EYA4: variants seen among roughly 807,000 people sequenced by gnomAD.
The protein encoded by EYA4 is protein phosphatase EYA4.
A neutral mutation model predicts 87.9 loss-of-function variants in EYA4; 31 were observed. The ratio of observed to expected loss-of-function variants is 0.35; its 90% CI spans 0.27 to 0.48. The LOEUF is 0.48. Ranked by LOEUF, EYA4 falls within the 20% of genes least tolerant of loss-of-function variation. The probability of loss-of-function intolerance (pLI) is 0.99; values close to 1 mark genes in which losing one functional copy is unlikely to be tolerated. For missense variants in EYA4, 678 were observed against 761.4 expected, an observed-to-expected ratio of 0.89 and a Z score of 1.29; for synonymous variants, 263 against 270.6, an observed-to-expected ratio of 0.97 and a Z score of 0.28.
chr6:133,372,079 T>G (rs1785308840), intron 2 of EYA4, among the ~76,000 whole-genome samples: 1 of 152,126 alleles, frequency 6.6e-6, no homozygotes, highest in East Asian at 1.9e-4. Flanking sequence ...TTTAGGGACA[T>G]AAAAATTGTG....
chr6:133,277,712 T>A (rs1390693899), intron 2 of EYA4, among the ~76,000 whole-genome samples: 1 of 152,154 alleles, frequency 6.6e-6, no homozygotes, highest in Non-Finnish European at 1.5e-5. Flanking sequence ...CAGCTCTCCT[T>A]CCCTCTCCCA....
At chr6:133,456,927 C>T (rs995748076) in intron 6 of EYA4, among the ~76,000 whole-genome samples, 2 of 152,068 alleles carry the variant, frequency 1.3e-5, no homozygotes, top group South Asian at 2.1e-4. Context: ...TTATTTTATA[C>T]GATGTTTAAT....
At chr6:133,420,134 C>CA (rs769899041) in intron 3 of EYA4, among the ~76,000 whole-genome samples, 138 of 149,610 alleles carry the variant, frequency 9.2e-4, no homozygotes, top group African/African-American at 3.0e-3. Context: ...AGTACAACAC[C>CA]AAAAAAAAAT....
chr6:133,244,859 T>G (rs1323926380), intron 1 of EYA4, among the ~76,000 whole-genome samples: 1 of 152,092 alleles, frequency 6.6e-6, no homozygotes, highest in African/African-American at 2.4e-5. Context: ...TTTTTTAGGA[T>G]TTTTAGAAAG....
chr6:133,360,337 C>T (rs1167112906), intron 2 of EYA4: 6 of 152,030 alleles, frequency 3.9e-5, no homozygotes, highest in African/African-American at 7.2e-5. Flanking sequence ...TAGGAGAAGC[C>T]GTAGAAGAAC....
intron 3 of EYA4, among the ~76,000 whole-genome samples, chr6:133,428,670 G>T (rs1790889703): frequency 6.6e-6 from 1 of 152,042 alleles, no homozygotes; most frequent in Non-Finnish European, 1.5e-5. Context: ...CTCCTCTGGG[G>T]ATAGAATGAC....
intron 3 of EYA4, among the ~76,000 whole-genome samples, chr6:133,439,049 CAAAAAAAAAAAAAAA>C (rs56261819): frequency 1.2e-4 from 8 of 64,024 alleles, no homozygotes; most frequent in African/African-American, 5.3e-4. Context: ...GACTCCGTCT[CAAAAAAAAAAAAAAA>C]AAAAAAAAAA....
At chr6:133,376,745 G>A (rs970215239) in intron 2 of EYA4, among the ~76,000 whole-genome samples, 1 of 151,898 alleles carries the variant, frequency 6.6e-6, no homozygotes, top group East Asian at 1.9e-4. Context: ...TAATTCCAAA[G>A]AGTCCAGAAA....
At chr6:133,449,110 A>G (rs939347202) in intron 5 of EYA4, among the ~76,000 whole-genome samples, 3 of 152,224 alleles carry the variant, frequency 2.0e-5, no homozygotes, top group Non-Finnish European at 2.9e-5. Flanking sequence ...TAGAATTTAG[A>G]TACTCTTAAT....
At chr6:133,489,857 C>T (rs979927952) in intron 13 of EYA4, among the ~76,000 whole-genome samples, 2 of 152,082 alleles carry the variant, frequency 1.3e-5, no homozygotes, top group African/African-American at 2.4e-5. Flanking sequence ...CACAGGAAAA[C>T]ACAGAATAGT....
At chr6:133,405,058 G>T (rs978701430) in intron 3 of EYA4, among the ~76,000 whole-genome samples, 2 of 152,060 alleles carry the variant, frequency 1.3e-5, no homozygotes, top group African/African-American at 4.8e-5. Flanking sequence ...GCTTCACTGA[G>T]AATCATTTCC....
intron 2 of EYA4, among the ~76,000 whole-genome samples, chr6:133,381,056 G>T (rs1583118132): frequency 2.6e-4 from 32 of 125,040 alleles, no homozygotes; most frequent in Admixed American, 1.1e-3. Flanking sequence ...TCTTCTCTCT[G>T]TGAAACCGTT....
intron 2 of EYA4, among the ~76,000 whole-genome samples, chr6:133,320,035 CT>C (rs1780954175): frequency 6.6e-6 from 1 of 151,840 alleles, no homozygotes; most frequent in South Asian, 2.1e-4. Context: ...TTAAAAATAG[CT>C]CTGATAATTT....
At chr6:133,313,965 T>C (rs13200831) in intron 2 of EYA4, among the ~76,000 whole-genome samples, 1 of 152,200 alleles carries the variant, frequency 6.6e-6, no homozygotes, top group African/African-American at 2.4e-5. Flanking sequence ...ATAACTTCTA[T>C]GTAATTAAAA....
At chr6:133,494,394 C>G (rs73545001) in intron 13 of EYA4, among the ~76,000 whole-genome samples, 408 of 152,022 alleles carry the variant, frequency 2.7e-3, no homozygotes, top group African/African-American at 9.4e-3. Flanking sequence ...ACAATGGTTA[C>G]TAGAGGTTGG....
intron 2 of EYA4, among the ~76,000 whole-genome samples, chr6:133,296,470 G>T (rs565890779): frequency 1.3e-5 from 2 of 152,126 alleles, no homozygotes; most frequent in African/African-American, 4.8e-5. Context: ...AGATGATGGT[G>T]GTGGCTTGAG....
intron 2 of EYA4, among the ~76,000 whole-genome samples, chr6:133,345,878 GAGA>G (rs1364793109): frequency 6.6e-6 from 1 of 152,220 alleles, no homozygotes; most frequent in Non-Finnish European, 1.5e-5. Context: ...CAGTGCTTAA[GAGA>G]AGGTAAGGAC....
chr6:133,305,938 T>C (rs1195730950), intron 2 of EYA4, among the ~76,000 whole-genome samples: 1 of 152,176 alleles, frequency 6.6e-6, no homozygotes, highest in Non-Finnish European at 1.5e-5. Flanking sequence ...TCTGCCATTA[T>C]TGGTAACTCT....
At chr6:133,287,309 A>C (rs1461042432) in intron 2 of EYA4, among the ~76,000 whole-genome samples, 1 of 152,248 alleles carries the variant, frequency 6.6e-6, no homozygotes, top group East Asian at 1.9e-4. Context: ...GAAAGGAATT[A>C]TAGATAGACT....
Sources: gnomAD v4.1 joint callset for allele counts (sites outside exome capture counted in the v4.1 genomes callset) on GRCh38, gnomAD v4.1.1 for gene constraint, MANE v1.5 for transcripts, NCBI Gene and HGNC (gene_info 2026-07-23, HGNC 2026-07-21) for gene names.